Variants in UNC13B observed in about 807,000 individuals in gnomAD.
UNC13B encodes protein unc-13 homolog B.
A neutral mutation model predicts 211.0 loss-of-function variants in UNC13B; 144 were observed. That is an observed-to-expected ratio of 0.68 (90% CI 0.60 to 0.78). The LOEUF (loss-of-function observed/expected upper bound fraction) is 0.78. UNC13B is among the 30% of genes least tolerant of loss of function. The pLI is 0.00. For missense variants in UNC13B, 1,777 were observed against 2,002.0 expected (o/e 0.89, Z 2.14); for synonymous variants, 709 against 725.8 (o/e 0.98, Z 0.37).
At chr9:35,393,522 G>A (rs1395937734) in intron 26 of UNC13B, among the ~76,000 whole-genome samples, 1 of 151,278 alleles carries the variant, frequency 6.6e-6, no homozygotes, top group Non-Finnish European at 1.5e-5. Context: ...GTGTGACGGA[G>A]TCAGATCGTG....
chr9:35,284,970 T>A (rs779451458), intron 7 of UNC13B, among the ~76,000 whole-genome samples: 1 of 152,218 alleles, frequency 6.6e-6, no homozygotes, highest in Admixed American at 6.5e-5. Context: ...ACCTTACTTT[T>A]TAATGTGACT....
intron 24 of UNC13B, 37 bp from the exon 25 acceptor site, chr9:35,389,809 C>CTA: frequency 6.8e-6 from 11 of 1,611,510 alleles, no homozygotes; most frequent in South Asian, 4.4e-5. Context: ...TACTCTGACT[C>CTA]TTTCTCCCTC....
At chr9:35,372,182 G>A (rs1022910966) in intron 13 of UNC13B, among the ~76,000 whole-genome samples, 2 of 152,212 alleles carry the variant, frequency 1.3e-5, no homozygotes, top group African/African-American at 4.8e-5. Context: ...TGAGGCAGGA[G>A]AATCGCTTGA....
At chr9:35,383,649 A>G (rs865812495) in intron 21 of UNC13B, among the ~76,000 whole-genome samples, 4 of 152,186 alleles carry the variant, frequency 2.6e-5, no homozygotes, top group South Asian at 2.1e-4. Context: ...TACTTTTTCT[A>G]TGAAAATCAG....
intron 22 of UNC13B, chr9:35,384,662 T>C (rs957791978): frequency 1.0e-6 from 1 of 985,318 alleles, no homozygotes; most frequent in Non-Finnish European, 1.2e-6. Flanking sequence ...TACATTTCTT[T>C]TTTGCATTTT....
intron 1 of UNC13B, among the ~76,000 whole-genome samples, chr9:35,189,089 G>A (rs1822512519): frequency 6.6e-6 from 1 of 152,024 alleles, no homozygotes; most frequent in African/African-American, 2.4e-5. Context: ...TAAACCTCTA[G>A]CTTTATCTTA....
At chr9:35,372,469 G>C (rs1168659024) in intron 13 of UNC13B, among the ~76,000 whole-genome samples, 1 of 151,746 alleles carries the variant, frequency 6.6e-6, no homozygotes, top group Non-Finnish European at 1.5e-5. Context: ...AGTGTGGCTA[G>C]CAAGGCAGCC....
intron 6 of UNC13B, among the ~76,000 whole-genome samples, chr9:35,256,689 T>C (rs1280807360): frequency 1.3e-5 from 2 of 152,192 alleles, no homozygotes; most frequent in African/African-American, 4.8e-5. Flanking sequence ...GGACAGGCTA[T>C]ATGTACATTT....
chr9:35,217,641 G>A (rs970751814), intron 1 of UNC13B, among the ~76,000 whole-genome samples: 8 of 151,984 alleles, frequency 5.3e-5, no homozygotes, highest in African/African-American at 1.7e-4. Flanking sequence ...CGCCCGCCTC[G>A]GCCTCCCAAA....
chr9:35,257,371 A>AAAAATATTTATATAAATATTTATAT, intron 6 of UNC13B, among the ~76,000 whole-genome samples: 1 of 3,694 alleles, frequency 2.7e-4, no homozygotes, highest in South Asian at 0.056. Flanking sequence ...AAATATTTAT[A>AAAAATATTTATATAAATATTTATAT]AAATATTTAT....
chr9:35,257,324 A>AAAATATTTATAT (rs1564097651), intron 6 of UNC13B, among the ~76,000 whole-genome samples: 2 of 120,084 alleles, frequency 1.7e-5, no homozygotes, highest in South Asian at 2.8e-4. Context: ...AATATTTATA[A>AAAATATTTATAT]AAATATTTAT....
intron 11 of UNC13B, among the ~76,000 whole-genome samples, chr9:35,340,475 C>A (rs75462451): frequency 6.6e-6 from 1 of 152,114 alleles, no homozygotes; most frequent in African/African-American, 2.4e-5. Flanking sequence ...TTTTATCTAC[C>A]ATAAAGGGCT....
intron 1 of UNC13B, among the ~76,000 whole-genome samples, chr9:35,189,577 A>T (rs547231483): frequency 6.6e-6 from 1 of 152,192 alleles, no homozygotes; most frequent in Non-Finnish European, 1.5e-5. Flanking sequence ...CTTTAACCCA[A>T]TTAGAGCTCT....
chr9:35,303,521 C>T lies in UNC13B; in HGVS notation c.4117C>T (p.Gln1373Ter). The T allele has an allele frequency of 7.5e-6, 3 of 398,738 alleles. No homozygotes were observed. The highest frequency in any genetic ancestry group is 1.3e-5 in the Non-Finnish European group (3 of 225,832). 24.7% of individuals were successfully genotyped at this position (398,738 alleles called of 1,614,324 possible). A position where few individuals can be genotyped will look rare whatever the true frequency, so the allele number is the denominator to read the frequency against. Reference sequence around the variant, plus strand: ...TTTGTCTAAAAATTCCAGAAAACTTCAGCCAGTTTATTATATGTTAAATCA... The same window carrying T: ...TTTGTCTAAAAATTCCAGAAAACTTTAGCCAGTTTATTATATGTTAAATCA... Reference protein sequence around the residue: ...KDLSKNSRKLQPVYYMLNQNR... With the variant: ...KDLSKNSRKL The change falls in exon 9 of 40, where the codon CAG (glutamine) becomes TAG (stop). Residue 1373 changes from glutamine (Q) to a stop codon, truncating the protein, a stop_gained. Transcript: ENST00000635942. LOFTEE classifies it high-confidence loss of function.
rs916975534 is a variant in UNC13B, at chr9:35,404,807, A to C, written c.*774A>C. ...TCAGGACGTGACAGGCTGTTCTAAC[A>C]TGTGTCTACCTGAGGGCTAGTTGAA... On this transcript the variant is annotated 3_prime_UTR_variant, in exon 40 of 40. Coordinates refer to ENST00000635942, the MANE Select transcript of UNC13B (RefSeq NM_001371189.2). 1 of 152,542 alleles carries C rather than the reference A, an allele frequency of 6.6e-6. No individual in the cohort carries two copies. Among genetic ancestry groups the C allele is most frequent in the Admixed American group, 6.5e-5 (1 of 15,280 alleles). The allele number at this position is 152,542 out of a possible 1,614,324, so 9.4% of individuals were successfully genotyped here.
At chr9:35,177,708 C>T (rs1204711838) in intron 1 of UNC13B, among the ~76,000 whole-genome samples, 1 of 152,200 alleles carries the variant, frequency 6.6e-6, no homozygotes, top group African/African-American at 2.4e-5. Context: ...AGGCATTGAA[C>T]TTGTCACCCT....
At chr9:35,183,826 G>C (rs1174776811) in intron 1 of UNC13B, among the ~76,000 whole-genome samples, 1 of 125,434 alleles carries the variant, frequency 8.0e-6, no homozygotes, top group African/African-American at 3.1e-5. Context: ...GGGCAGAGGC[G>C]CTCCTCGCCT....
At chr9:35,174,743 G>T (rs1399903293) in intron 1 of UNC13B, among the ~76,000 whole-genome samples, 1 of 152,110 alleles carries the variant, frequency 6.6e-6, no homozygotes, top group Non-Finnish European at 1.5e-5. Context: ...TAGAGACGGG[G>T]TTCCACTGTG....
At chr9:35,297,956 A>G (rs1829479273) in intron 8 of UNC13B, among the ~76,000 whole-genome samples, 1 of 152,196 alleles carries the variant, frequency 6.6e-6, no homozygotes, top group South Asian at 2.1e-4. Flanking sequence ...TTTGTAATTA[A>G]TAATATCTGG....
Sources: allele counts gnomAD v4.1 joint callset (sites outside exome capture counted in the v4.1 genomes callset), GRCh38; gene constraint gnomAD v4.1.1; transcripts MANE v1.5; gene names NCBI Gene and HGNC (gene_info 2026-07-23, HGNC 2026-07-21).